The following NRG3 variants were observed in gnomAD, a reference collection of about 807,000 sequenced individuals.
NRG3 encodes the protein pro-neuregulin-3, membrane-bound isoform.
NRG3 carries 31 observed loss-of-function variants against 66.9 expected under a neutral mutation model. The ratio of observed to expected loss-of-function variants is 0.46; its 90% CI spans 0.35 to 0.63. The LOEUF (loss-of-function observed/expected upper bound fraction) is 0.63. Ranked by LOEUF, NRG3 falls within the 20% of genes least tolerant of loss-of-function variation. NRG3 has a pLI of 0.00. For missense variants in NRG3, 910 were observed against 878.9 expected (o/e 1.04, Z -0.45); for synonymous variants, 393 against 359.4 (o/e 1.09, Z -1.06).
intron 2 of NRG3, among the ~76,000 whole-genome samples, chr10:82,567,088 G>A (rs952137429): frequency 6.6e-6 from 1 of 151,930 alleles, no homozygotes; most frequent in African/African-American, 2.4e-5. Flanking sequence ...GGTCATCTTT[G>A]AAGGGCAGAG....
chr10:82,284,002 C>G (rs1445862417), intron 1 of NRG3, among the ~76,000 whole-genome samples: 1 of 152,204 alleles, frequency 6.6e-6, no homozygotes, highest in Non-Finnish European at 1.5e-5. Context: ...TTAGAGAGAG[C>G]ATTGCGAGCA....
intron 2 of NRG3, among the ~76,000 whole-genome samples, chr10:82,629,267 T>C (rs1486188172): frequency 6.6e-6 from 1 of 152,196 alleles, no homozygotes; most frequent in African/African-American, 2.4e-5. Flanking sequence ...CTCCCTGAAG[T>C]CCATTAAGGG....
At chr10:82,579,101 T>C (rs2046203569) in intron 2 of NRG3, among the ~76,000 whole-genome samples, 1 of 151,696 alleles carries the variant, frequency 6.6e-6, no homozygotes, top group South Asian at 2.1e-4. Context: ...TGTAATTTCA[T>C]GAAGAGGCAA....
At chr10:82,724,014 A>C (rs1240310964) in intron 2 of NRG3, among the ~76,000 whole-genome samples, 1 of 151,960 alleles carries the variant, frequency 6.6e-6, no homozygotes, top group Non-Finnish European at 1.5e-5. Flanking sequence ...AATTTAAAAA[A>C]TAAAAGCATA....
chr10:82,298,076 G>A (rs1006922000), intron 1 of NRG3, among the ~76,000 whole-genome samples: 3 of 152,058 alleles, frequency 2.0e-5, no homozygotes, highest in Non-Finnish European at 2.9e-5. Context: ...TCCAGGAGGT[G>A]GAGGCTGCAA....
At chr10:82,442,669 A>G (rs1329407582) in intron 2 of NRG3, among the ~76,000 whole-genome samples, 1 of 152,214 alleles carries the variant, frequency 6.6e-6, no homozygotes, top group Non-Finnish European at 1.5e-5. Context: ...ATGGAAAGAA[A>G]AATAGTCAGA....
intron 3 of NRG3, among the ~76,000 whole-genome samples, chr10:82,824,131 A>G (rs2062076972): frequency 6.6e-6 from 1 of 152,178 alleles, no homozygotes; most frequent in South Asian, 2.1e-4. Flanking sequence ...TATTATACTT[A>G]CGTAGCCTTT....
At position 82,505,060 on chromosome 10, in the gene NRG3, A is replaced by T. The variant is rs575854832; in HGVS notation, c.953+146192A>T. Among the ~76,000 whole-genome samples, 29 of 152,336 alleles carry T rather than the reference A, an allele frequency of 1.9e-4. No individual in the cohort carries two copies. The South Asian group carries it at 6.0e-3, about 32-fold the overall frequency. On this transcript the variant is annotated intron_variant, in intron 2 of 8. Coordinates refer to ENST00000372141, the MANE Select transcript of NRG3 (RefSeq NM_001010848.4). ...CTTTAAGACCATAGTGAAAGTAATG[A>T]TCTAGCTATTTTTATTTTAAATATT...
intron 2 of NRG3, among the ~76,000 whole-genome samples, chr10:82,717,832 T>C (rs889399660): frequency 6.6e-6 from 1 of 151,708 alleles, no homozygotes; most frequent in Non-Finnish European, 1.5e-5. Context: ...TGTGTTTCTG[T>C]ATGGTTCTAT....
intron 1 of NRG3, among the ~76,000 whole-genome samples, chr10:82,326,835 T>C (rs1221553133): frequency 1.3e-5 from 2 of 152,226 alleles, no homozygotes; most frequent in East Asian, 3.8e-4. Context: ...CTTTAATGTA[T>C]GTAATCTTTG....
At chr10:82,425,891 C>T (rs1239960997) in intron 2 of NRG3, among the ~76,000 whole-genome samples, 1 of 152,066 alleles carries the variant, frequency 6.6e-6, no homozygotes, top group African/African-American at 2.4e-5. Flanking sequence ...TAGAAGAGTC[C>T]TATTGATGTG....
chr10:82,197,963 T>C (rs2074534522), intron 1 of NRG3, among the ~76,000 whole-genome samples: 1 of 152,194 alleles, frequency 6.6e-6, no homozygotes, highest in African/African-American at 2.4e-5. Flanking sequence ...TAGAATATTA[T>C]GGTGACATAG....
intron 2 of NRG3, among the ~76,000 whole-genome samples, chr10:82,610,253 G>A (rs928294425): frequency 3.3e-5 from 5 of 152,076 alleles, no homozygotes; most frequent in Non-Finnish European, 7.4e-5. Flanking sequence ...ATTGGGACAA[G>A]CTGGACAAAC....
intron 2 of NRG3, among the ~76,000 whole-genome samples, chr10:82,458,872 G>A (rs1344375416): frequency 2.6e-5 from 4 of 152,184 alleles, no homozygotes; most frequent in Admixed American, 1.3e-4. Context: ...TCAGTGACTT[G>A]TGGGTAGAAA....
intron 1 of NRG3, among the ~76,000 whole-genome samples, chr10:82,138,787 C>A (rs1418496475): frequency 3.9e-5 from 6 of 152,092 alleles, no homozygotes; most frequent in Non-Finnish European, 8.8e-5. Flanking sequence ...GACTTGGAGT[C>A]TAATGTTCAA....
At chr10:82,056,462 T>C (rs766046921) in intron 1 of NRG3, among the ~76,000 whole-genome samples, 3 of 152,044 alleles carry the variant, frequency 2.0e-5, no homozygotes, top group Non-Finnish European at 4.4e-5. Context: ...ATTATAGAAG[T>C]GAGGGGCTAA....
chr10:82,544,596 C>T (rs112122648), intron 2 of NRG3, among the ~76,000 whole-genome samples: 15 of 152,122 alleles, frequency 9.9e-5, no homozygotes, highest in African/African-American at 3.6e-4. Context: ...AGGAAATGCT[C>T]AGATAAGCAG....
At chr10:82,187,426 AAC>A (rs1209138277) in intron 1 of NRG3, among the ~76,000 whole-genome samples, 10 of 152,314 alleles carry the variant, frequency 6.6e-5, no homozygotes, top group African/African-American at 2.4e-4. Flanking sequence ...CTCTTGAAGA[AAC>A]ACATGCAAAG....
intron 2 of NRG3, among the ~76,000 whole-genome samples, chr10:82,599,919 C>T (rs932903807): frequency 3.3e-5 from 5 of 152,134 alleles, no homozygotes; most frequent in Non-Finnish European, 4.4e-5. Flanking sequence ...TGATATTAAG[C>T]ATCAGTTCCT....
Sources: gnomAD v4.1 joint callset for allele counts (sites outside exome capture counted in the v4.1 genomes callset) on GRCh38, gnomAD v4.1.1 for gene constraint, MANE v1.5 for transcripts, NCBI Gene and HGNC (gene_info 2026-07-23, HGNC 2026-07-21) for gene names.